The following CACNA1E variants were observed in gnomAD, a reference collection of about 807,000 sequenced individuals.
CACNA1E encodes the protein calcium voltage-gated channel subunit alpha1 E, also known as voltage-dependent R-type calcium channel subunit alpha-1E.
A neutral mutation model predicts 259.2 loss-of-function variants in CACNA1E; 40 were observed. That is an observed-to-expected ratio of 0.15 (90% CI 0.12 to 0.20). The LOEUF (loss-of-function observed/expected upper bound fraction) is 0.20. CACNA1E is among the 10% of genes least tolerant of loss of function. The pLI is 1.00. For synonymous variants in CACNA1E, 1,104 were observed against 1,138.5 expected (o/e 0.97, Z 0.61); for missense variants, 1,874 against 3,040.1 (o/e 0.62, Z 9.02).
chr1:181,377,669 A>C (rs754895528), intron 1 of CACNA1E, among the ~76,000 whole-genome samples: 1 of 152,234 alleles, frequency 6.6e-6, no homozygotes, highest in East Asian at 1.9e-4. Context: ...AATAATGTTT[A>C]CTGTGTATCA....
intron 1 of CACNA1E, among the ~76,000 whole-genome samples, chr1:181,350,444 T>TTCCTC (rs1421865714): frequency 4.6e-5 from 7 of 152,178 alleles, no homozygotes; most frequent in East Asian, 1.9e-4. Context: ...CTTTTTCTGC[T>TTCCTC]TCCTCTCCTC....
chr1:181,387,327 C>G (rs1655927830), intron 1 of CACNA1E, among the ~76,000 whole-genome samples: 1 of 152,156 alleles, frequency 6.6e-6, no homozygotes, highest in Admixed American at 6.5e-5. Flanking sequence ...TGTATTTTCT[C>G]TGGACAGTCA....
chr1:181,679,225 A>G (rs1365824055), intron 7 of CACNA1E, among the ~76,000 whole-genome samples: 1 of 152,250 alleles, frequency 6.6e-6, no homozygotes, highest in Non-Finnish European at 1.5e-5. Context: ...TAGGTTTTGT[A>G]TATTATCTCT....
At chr1:181,637,162 G>A (rs1367270297) in intron 6 of CACNA1E, among the ~76,000 whole-genome samples, 4 of 152,200 alleles carry the variant, frequency 2.6e-5, no homozygotes, top group African/African-American at 4.8e-5. Context: ...TGAGAAAGCA[G>A]AATCTACCAG....
At chr1:181,492,122 GAAAAC>G (rs758570072) in intron 1 of CACNA1E, among the ~76,000 whole-genome samples, 89 of 152,184 alleles carry the variant, frequency 5.8e-4, no homozygotes, top group African/African-American at 1.5e-3. Context: ...CTTTCTCACG[GAAAAC>G]AAAACAAAAC....
chr1:181,658,504 G>A (rs2102113817), intron 7 of CACNA1E, among the ~76,000 whole-genome samples: 1 of 152,346 alleles, frequency 6.6e-6, no homozygotes, highest in Admixed American at 6.5e-5. Context: ...CCAGGGTCTG[G>A]CATGGAGTAG....
intron 6 of CACNA1E, among the ~76,000 whole-genome samples, chr1:181,616,339 T>G (rs1655205416): frequency 8.4e-6 from 1 of 118,394 alleles, no homozygotes; most frequent in African/African-American, 2.5e-5. Context: ...TTGTTTGTTT[T>G]GTTTTGTTTT....
intron 3 of CACNA1E, among the ~76,000 whole-genome samples, chr1:181,557,479 A>G (rs1162579989): frequency 1.3e-5 from 2 of 152,170 alleles, no homozygotes; most frequent in African/African-American, 4.8e-5. Flanking sequence ...CCTCTTGCTG[A>G]CAGCTGTGTG....
rs1180987966 is a variant in CACNA1E, at chr1:181,781,543, G to T, written c.5364+20G>T. On this transcript the variant is annotated intron_variant, in intron 39 of 47. Transcript: ENST00000367573. ...TATAAGGTAGACCACCCCTTCCTTT[G>T]CTCTGGGCTACAGACCAACAGGAAA... is the stretch of plus-strand genomic sequence containing the variant. The T allele has an allele frequency of 8.0e-7, 1 of 1,257,404 alleles. No individual in the cohort carries two copies. Among genetic ancestry groups the T allele is most frequent in the Non-Finnish European group, 1.1e-6 (1 of 871,236 alleles). 77.9% of individuals were successfully genotyped at this position (1,257,404 alleles called of 1,614,324 possible).
At position 181,673,058 on chromosome 1, in the gene CACNA1E, T is replaced by C. The variant is rs1272727771; in HGVS notation, c.1055+21617T>C. Among the ~76,000 whole-genome samples the C allele has an allele frequency of 2.0e-5, 3 of 152,138 alleles. No homozygotes were observed. In the East Asian group the frequency reaches 5.8e-4, roughly 29 times the overall value. ...AGAAGGGGAAAAAGCCAAAGAGTTATGTGTTAATTGAGAGGGTTGTCAGTA... is the reference window on the plus strand; with the variant it reads ...AGAAGGGGAAAAAGCCAAAGAGTTACGTGTTAATTGAGAGGGTTGTCAGTA... On this transcript the variant is annotated intron_variant, in intron 7 of 47. Coordinates refer to ENST00000367573, the MANE Select transcript of CACNA1E (RefSeq NM_001205293.3).
Position 181,511,091 on chromosome 1 carries a change from G to A in CACNA1E, c.373-280G>A, listed in dbSNP as rs561879390. ...GTGAAGAGCAGCAAACTCCTTCAGG[G>A]CAAAGCCAGGGCCATCAGGGACCTT... is the stretch of plus-strand genomic sequence containing the variant. On this transcript the variant is annotated intron_variant, in intron 2 of 47. Coordinates refer to ENST00000367573, the MANE Select transcript of CACNA1E (RefSeq NM_001205293.3). Among the ~76,000 whole-genome samples, 13 of 152,316 alleles carry A rather than the reference G, an allele frequency of 8.5e-5. No individual in the cohort carries two copies. In the South Asian group the frequency reaches 1.4e-3, roughly 17 times the overall value.
intron 2 of CACNA1E, among the ~76,000 whole-genome samples, chr1:181,467,416 T>C (rs1389436269): frequency 1.3e-5 from 2 of 152,120 alleles, no homozygotes; most frequent in African/African-American, 2.4e-5. Context: ...GGGGGAAACA[T>C]TGTTTTGCAG....
chr1:181,511,739 ACT>A (rs1179335786), intron 3 of CACNA1E, among the ~76,000 whole-genome samples: 1 of 151,966 alleles, frequency 6.6e-6, no homozygotes, highest in Non-Finnish European at 1.5e-5. Flanking sequence ...AGGCCATGGG[ACT>A]CTCAGCCAGG....
chr1:181,782,754 C>T (rs1660530343), intron 39 of CACNA1E, among the ~76,000 whole-genome samples: 1 of 152,174 alleles, frequency 6.6e-6, no homozygotes, highest in South Asian at 2.1e-4. Context: ...GTACATGGCT[C>T]CTCGTGCACA....
chr1:181,512,862 A>G (rs1666264566), intron 3 of CACNA1E, among the ~76,000 whole-genome samples: 1 of 152,234 alleles, frequency 6.6e-6, no homozygotes, highest in Non-Finnish European at 1.5e-5. Flanking sequence ...GAATTAGTAT[A>G]TGAAGATATA....
chr1:181,617,092 G>T (rs543591120), intron 6 of CACNA1E, among the ~76,000 whole-genome samples: 1 of 152,176 alleles, frequency 6.6e-6, no homozygotes, highest in African/African-American at 2.4e-5. Flanking sequence ...CTTGCTAGAA[G>T]TTTATCAAAT....
At chr1:181,716,993 T>C (rs1653956326) in intron 10 of CACNA1E, 100 bp from the exon 11 acceptor site, 2 of 916,808 alleles carry the variant, frequency 2.2e-6, no homozygotes, top group Non-Finnish European at 1.7e-6. Context: ...GCAGTCACCT[T>C]GCCCTGGGAC....
intron 1 of CACNA1E, among the ~76,000 whole-genome samples, chr1:181,346,568 C>CCT (rs1652607950): frequency 6.6e-6 from 1 of 152,186 alleles, no homozygotes; most frequent in African/African-American, 2.4e-5. Context: ...ATTCAGGTTA[C>CCT]TTTACCTTTT....
intron 1 of CACNA1E, among the ~76,000 whole-genome samples, chr1:181,487,594 G>A (rs1392859777): frequency 6.6e-6 from 1 of 152,136 alleles, no homozygotes; most frequent in Non-Finnish European, 1.5e-5. Context: ...CATTCTATAC[G>A]ATTCCTCGTT....
Sources: gnomAD v4.1 joint callset for allele counts (sites outside exome capture counted in the v4.1 genomes callset) on GRCh38, gnomAD v4.1.1 for gene constraint, MANE v1.5 for transcripts, NCBI Gene and HGNC (gene_info 2026-07-23, HGNC 2026-07-21) for gene names.